Variants in FZD3 observed in about 807,000 individuals in gnomAD.
The protein encoded by FZD3 is frizzled class receptor 3, also known as frizzled-3.
A neutral mutation model predicts 60.7 loss-of-function variants in FZD3; 30 were observed. The observed-to-expected ratio is 0.49, with a 90% CI of 0.37 to 0.67. The LOEUF is 0.67. Among genes scored for constraint, FZD3 ranks in the 30% least tolerant of loss-of-function variants. The pLI is 0.00. For synonymous variants in FZD3, 246 were observed against 275.2 expected, an observed-to-expected ratio of 0.89 and a Z score of 1.05; for missense variants, 605 against 838.7, an observed-to-expected ratio of 0.72 and a Z score of 3.44.
In FZD3 at chr8:28,558,077, G is replaced by A. The variant is rs146104334; in HGVS notation, c.1787+2106G>A. On this transcript the variant is annotated intron_variant, in intron 7 of 7. Coordinates refer to ENST00000240093, the MANE Select transcript of FZD3 (RefSeq NM_017412.4). ...GGCAAGCAGTTAGGTACGTGGGTAT[G>A]GCTAGAGCATAGACTGCATGTTTTG... is the stretch of plus-strand genomic sequence containing the variant. 1.7e-3 allele frequency among the ~76,000 whole-genome samples: 266 copies of A among 152,316 alleles called. 3 individuals carry two copies. The highest frequency in any genetic ancestry group is 6.1e-3 in the African/African-American group (252 of 41,562).
chr8:28,541,536 C>T (rs1216847103), intron 5 of FZD3, among the ~76,000 whole-genome samples: 2 of 152,172 alleles, frequency 1.3e-5, no homozygotes, highest in Admixed American at 1.3e-4. Context: ...GCTAAAGAAT[C>T]GAAGTTGGAA....
At chr8:28,499,689 CATT>C (rs1803939631) in intron 1 of FZD3, among the ~76,000 whole-genome samples, 1 of 151,964 alleles carries the variant, frequency 6.6e-6, no homozygotes, top group Non-Finnish European at 1.5e-5. Context: ...TGTGTTCTAT[CATT>C]ATTGTTTTTT....
chr8:28,496,785 A>G (rs1050144694), intron 1 of FZD3, among the ~76,000 whole-genome samples: 3 of 152,240 alleles, frequency 2.0e-5, no homozygotes, highest in African/African-American at 7.2e-5. Context: ...TTGCACGTGA[A>G]GTTTGAGATG....
intron 2 of FZD3, among the ~76,000 whole-genome samples, chr8:28,500,789 C>T (rs997190177): frequency 1.3e-5 from 2 of 151,208 alleles, no homozygotes; most frequent in Non-Finnish European, 2.9e-5. Context: ...GATGGAGTTT[C>T]GCTCTTGTTG....
intron 5 of FZD3, among the ~76,000 whole-genome samples, chr8:28,539,778 A>C (rs1345380387): frequency 6.6e-6 from 1 of 152,204 alleles, no homozygotes; most frequent in Admixed American, 6.5e-5. Context: ...ATAGGGAAAG[A>C]AGCCAAGGAC....
intron 3 of FZD3, among the ~76,000 whole-genome samples, chr8:28,507,683 C>T (rs183050837): frequency 1.3e-5 from 2 of 151,802 alleles, no homozygotes; most frequent in South Asian, 2.1e-4. Flanking sequence ...CATGTTCCCC[C>T]GTTATTAGTT....
chr8:28,513,516 A>G (rs1246151431), intron 3 of FZD3, among the ~76,000 whole-genome samples: 4 of 152,240 alleles, frequency 2.6e-5, no homozygotes, highest in Non-Finnish European at 4.4e-5. Context: ...TATGGGATTA[A>G]AGGCGTTTTT....
At chr8:28,528,835 A>C (rs1804788528) in intron 5 of FZD3, among the ~76,000 whole-genome samples, 1 of 152,220 alleles carries the variant, frequency 6.6e-6, no homozygotes, top group Admixed American at 6.5e-5. Context: ...AATGTAGTCA[A>C]GGAAAATAGA....
At chr8:28,502,172 G>A (rs772879476) in intron 2 of FZD3, among the ~76,000 whole-genome samples, 14 of 152,142 alleles carry the variant, frequency 9.2e-5, no homozygotes, top group Admixed American at 1.3e-4. Flanking sequence ...CACACAGCTA[G>A]CAAGAGGCTT....
At chr8:28,494,611 AGGCTGGG>A (rs1195038796) in intron 1 of FZD3, among the ~76,000 whole-genome samples, 1 of 151,520 alleles carries the variant, frequency 6.6e-6, no homozygotes, top group Non-Finnish European at 1.5e-5. Context: ...GCCTAGTTTG[AGGCTGGG>A]GGCTGAGGGC....
At chr8:28,531,941 G>T (rs970927100) in intron 5 of FZD3, among the ~76,000 whole-genome samples, 8 of 152,052 alleles carry the variant, frequency 5.3e-5, no homozygotes, top group Non-Finnish European at 1.0e-4. Context: ...CATTAAAATG[G>T]CCTGCTGTAT....
chr8:28,501,520 C>T (rs1803992200), intron 2 of FZD3, among the ~76,000 whole-genome samples: 1 of 152,144 alleles, frequency 6.6e-6, no homozygotes, highest in Admixed American at 6.5e-5. Flanking sequence ...AACCTAGGCT[C>T]TCCACAACAA....
At chr8:28,516,489 G>C (rs147811610) in intron 3 of FZD3, among the ~76,000 whole-genome samples, 1 of 152,264 alleles carries the variant, frequency 6.6e-6, no homozygotes, top group African/African-American at 2.4e-5. Context: ...TCTCTTTTGG[G>C]AGTATTGCCA....
At chr8:28,524,631 C>G (rs1449889286) in intron 4 of FZD3, among the ~76,000 whole-genome samples, 2 of 152,076 alleles carry the variant, frequency 1.3e-5, no homozygotes, top group Non-Finnish European at 2.9e-5. Context: ...TTTTTCTGCC[C>G]CTTGAATAAT....
At chr8:28,534,281 A>G (rs1364295889) in intron 5 of FZD3, among the ~76,000 whole-genome samples, 1 of 152,182 alleles carries the variant, frequency 6.6e-6, no homozygotes, top group African/African-American at 2.4e-5. Flanking sequence ...CAGTTCTGTG[A>G]CATTAAGTAA....
At chr8:28,501,943 A>G (rs945259321) in intron 2 of FZD3, among the ~76,000 whole-genome samples, 1 of 152,348 alleles carries the variant, frequency 6.6e-6, no homozygotes, top group Admixed American at 6.5e-5. Context: ...AGAACCTTCT[A>G]TATGTCAGTT....
chr8:28,550,109 G>T lies in FZD3; in HGVS notation c.1405-1494G>T, dbSNP rs13439374. On this transcript the variant is annotated intron_variant, in intron 5 of 7. Coordinates refer to ENST00000240093, the MANE Select transcript of FZD3 (RefSeq NM_017412.4). The stretch of plus-strand genomic sequence containing the variant: ...TTATGTGTTCTTTAATGGTTTATTA[G>T]AATTTTCCTATGAAACTTTTGGGTC... 5.2e-3 allele frequency among the ~76,000 whole-genome samples: 795 copies of T among 152,134 alleles called. 5 individuals carry two copies. Among genetic ancestry groups the T allele is most frequent in the African/African-American group, 0.016 (669 of 41,532 alleles).
chr8:28,537,864 C>G (rs1173806571), intron 5 of FZD3, among the ~76,000 whole-genome samples: 2 of 152,084 alleles, frequency 1.3e-5, no homozygotes, highest in African/African-American at 4.8e-5. Flanking sequence ...CGCCTGCGAT[C>G]CCAGCACTTT....
chr8:28,518,125 C>T (rs2130340321), intron 3 of FZD3, among the ~76,000 whole-genome samples: 1 of 152,096 alleles, frequency 6.6e-6, no homozygotes, highest in Middle Eastern at 3.4e-3. Flanking sequence ...CAGCTTTGAT[C>T]ATAGCTTACT....
Sources: gnomAD v4.1 joint callset for allele counts (sites outside exome capture counted in the v4.1 genomes callset) on GRCh38, gnomAD v4.1.1 for gene constraint, MANE v1.5 for transcripts, NCBI Gene and HGNC (gene_info 2026-07-23, HGNC 2026-07-21) for gene names.